The following RALGPS1 variants were observed in gnomAD, a reference collection of about 807,000 sequenced individuals.
The protein encoded by RALGPS1 is Ral GEF with PH domain and SH3 binding motif 1.
Under a neutral mutation model 78.8 loss-of-function variants are expected in RALGPS1, and 19 were observed. That is an observed-to-expected ratio of 0.24 (90% CI 0.17 to 0.35). The LOEUF is 0.35. Among genes scored for constraint, RALGPS1 ranks in the 10% least tolerant of loss-of-function variants. The pLI is 1.00. For synonymous variants in RALGPS1, 228 were observed against 256.3 expected, an observed-to-expected ratio of 0.89 and a Z score of 1.06; for missense variants, 454 against 688.3, an observed-to-expected ratio of 0.66 and a Z score of 3.81.
chr9:126,926,918 A>G lies in RALGPS1; in HGVS notation c.-66+11943A>G, dbSNP rs571915510. Among the ~76,000 whole-genome samples, 13 of 152,170 alleles carry G rather than the reference A, an allele frequency of 8.5e-5. No homozygotes were observed. The South Asian group carries it at 2.7e-3, about 32-fold the overall frequency. On this transcript the variant is annotated intron_variant, in intron 1 of 18. Transcript: ENST00000259351. ...CATGAGATGGTAGGACCAGTCACTG[A>G]GCTATGAAACGTGAAAGGAATACTG...
intron 4 of RALGPS1, chr9:126,990,138 G>A: frequency 2.0e-6 from 2 of 1,016,768 alleles, no homozygotes; most frequent in Non-Finnish European, 2.8e-6. Context: ...TTGGCCCTCG[G>A]AGAGGGAAGA....
rs568069195 is a variant in RALGPS1, at chr9:127,014,665, G to T, written c.217-19766G>T. On this transcript the variant is annotated intron_variant, in intron 4 of 18. Transcript: ENST00000259351. ...TCTGCCTTGCTGCATACTGAATTCG[G>T]CTGGACACTGCAGGGAGGCCTGGGG... is the stretch of plus-strand genomic sequence containing the variant. 5.9e-5 allele frequency among the ~76,000 whole-genome samples: 9 copies of T among 152,034 alleles called. No individual in the cohort carries two copies. The South Asian group carries it at 1.9e-3, about 32-fold the overall frequency.
At chr9:127,209,170 C>T (rs1031606282) in intron 14 of RALGPS1, among the ~76,000 whole-genome samples, 1 of 152,172 alleles carries the variant, frequency 6.6e-6, no homozygotes, top group Non-Finnish European at 1.5e-5. Flanking sequence ...GAAGAAATCC[C>T]CGGTGATTCT....
intron 1 of RALGPS1, among the ~76,000 whole-genome samples, chr9:126,924,194 CTAA>C (rs1299058354): frequency 6.6e-6 from 1 of 152,244 alleles, no homozygotes; most frequent in African/African-American, 2.4e-5. Flanking sequence ...TATACTGCTG[CTAA>C]TAAACCATGC....
intron 14 of RALGPS1, among the ~76,000 whole-genome samples, chr9:127,204,882 G>A (rs1484264930): frequency 6.6e-6 from 1 of 152,218 alleles, no homozygotes; most frequent in Non-Finnish European, 1.5e-5. Flanking sequence ...CCTGGTAGAT[G>A]CCCAGGTCTG....
chr9:127,187,190 A>G (rs1435618502), intron 11 of RALGPS1, among the ~76,000 whole-genome samples: 2 of 152,238 alleles, frequency 1.3e-5, no homozygotes, highest in Admixed American at 1.3e-4. Flanking sequence ...AGTCTGGCAC[A>G]CAGTGCATAA....
intron 8 of RALGPS1, among the ~76,000 whole-genome samples, chr9:127,123,705 G>A (rs188366927): frequency 6.6e-6 from 1 of 152,198 alleles, no homozygotes; most frequent in Non-Finnish European, 1.5e-5. Flanking sequence ...GAGTAAGAAA[G>A]GAGAGGATGG....
intron 4 of RALGPS1, among the ~76,000 whole-genome samples, chr9:127,017,239 C>T (rs1407999410): frequency 6.6e-6 from 1 of 152,182 alleles, no homozygotes; most frequent in East Asian, 1.9e-4. Flanking sequence ...GCATAGCCTA[C>T]TATACATTTA....
chr9:126,953,409 A>C, intron 1 of RALGPS1, among the ~76,000 whole-genome samples: 1 of 151,894 alleles, frequency 6.6e-6, no homozygotes, highest in East Asian at 1.9e-4. Context: ...GTGTATGTGT[A>C]AGGTGAGAGA....
intron 8 of RALGPS1, among the ~76,000 whole-genome samples, chr9:127,092,276 G>A (rs2052582062): frequency 6.6e-6 from 1 of 152,188 alleles, no homozygotes; most frequent in Non-Finnish European, 1.5e-5. Context: ...CACGCAGCAG[G>A]CATTCCTCAG....
At chr9:127,108,565 T>C in intron 8 of RALGPS1, 4 of 1,613,544 alleles carry the variant, frequency 2.5e-6, no homozygotes, top group Non-Finnish European at 3.4e-6. Context: ...AATGAAGGTG[T>C]AGGTGCACTT....
intron 1 of RALGPS1, among the ~76,000 whole-genome samples, chr9:126,920,514 C>G (rs902067704): frequency 6.6e-6 from 1 of 152,198 alleles, no homozygotes; most frequent in Admixed American, 6.5e-5. Flanking sequence ...AGAAGTATGG[C>G]TGCTCTCCCT....
At chr9:127,210,881 G>A in intron 14 of RALGPS1, 1 of 1,024,452 alleles carries the variant, frequency 9.8e-7, no homozygotes, top group South Asian at 1.5e-5. Flanking sequence ...AACAGACACA[G>A]CCTTTGCCTA....
chr9:126,915,226 C>T (rs965243819), intron 1 of RALGPS1, among the ~76,000 whole-genome samples: 57 of 132,830 alleles, frequency 4.3e-4, no homozygotes, highest in African/African-American at 1.5e-3. Flanking sequence ...CAGGGGCGCG[C>T]TGGTCCCCGG....
Position 127,205,240 on chromosome 9 carries a change from C to T in RALGPS1, c.1247+6174C>T, listed in dbSNP as rs1162151074. On this transcript the variant is annotated intron_variant, in intron 14 of 18. Transcript: ENST00000259351. The surrounding 1 kb of genome is among the most constrained non-coding windows in gnomAD (Gnocchi z 4.0). ...CCCAGCTTGGTGCATGACTCAGAGC[C>T]TGCAGCCTCTTCAGGTCCCAGGCCC... 6.6e-6 allele frequency among the ~76,000 whole-genome samples: 1 copy of T among 152,242 alleles called. No homozygotes were observed. The highest frequency in any genetic ancestry group is 1.5e-5 in the Non-Finnish European group (1 of 68,046).
chr9:127,122,093 G>A lies in RALGPS1; in HGVS notation c.611-43976G>A, dbSNP rs1254866747. ...AGTGAGGCTTACTCATGAAGTCCTC[G>A]AGATGCCAGCCCATGATCATGTGCC... On this transcript the variant is annotated intron_variant, in intron 8 of 18. Transcript: ENST00000259351. This position sits in a 1 kb window ranked among gnomAD's most constrained non-coding sequence, Gnocchi z 6.4. Among the ~76,000 whole-genome samples, 3 of 152,148 alleles carry A rather than the reference G, an allele frequency of 2.0e-5. No homozygotes were observed. Among genetic ancestry groups the A allele is most frequent in the African/African-American group, 7.2e-5 (3 of 41,428 alleles).
intron 8 of RALGPS1, among the ~76,000 whole-genome samples, chr9:127,124,384 A>C (rs1296324473): frequency 6.6e-6 from 1 of 152,204 alleles, no homozygotes; most frequent in Non-Finnish European, 1.5e-5. Flanking sequence ...CACGTGAGCA[A>C]GGAAAGATGC....
intron 8 of RALGPS1, among the ~76,000 whole-genome samples, chr9:127,089,631 G>A (rs2052212981): frequency 6.6e-6 from 1 of 152,202 alleles, no homozygotes. Context: ...CAAAGAAAGT[G>A]TTTAAGAAGA....
chr9:127,098,436 G>C (rs569683952), intron 8 of RALGPS1, among the ~76,000 whole-genome samples: 1 of 152,310 alleles, frequency 6.6e-6, no homozygotes, highest in African/African-American at 2.4e-5. Flanking sequence ...ATTCTTGGGG[G>C]AGCTGTGGCC....
Sources: allele counts gnomAD v4.1 joint callset (sites outside exome capture counted in the v4.1 genomes callset), GRCh38; gene constraint gnomAD v4.1.1; non-coding constraint Gnocchi (gnomAD v3.1); transcripts MANE v1.5; gene names NCBI Gene and HGNC (gene_info 2026-07-23, HGNC 2026-07-21).